The following AMPD3 variants were observed in gnomAD, a reference collection of about 807,000 sequenced individuals.
The protein encoded by AMPD3 is AMP deaminase 3.
A neutral mutation model predicts 82.3 loss-of-function variants in AMPD3; 57 were observed. The ratio of observed to expected loss-of-function variants is 0.69; its 90% CI spans 0.56 to 0.86. The LOEUF is 0.86. AMPD3 is among the 40% of genes least tolerant of loss of function. The pLI is 0.00. For synonymous variants in AMPD3, 381 were observed against 394.7 expected, an observed-to-expected ratio of 0.97 and a Z score of 0.41; for missense variants, 870 against 1,003.8, an observed-to-expected ratio of 0.87 and a Z score of 1.80.
Position 10,505,540 on chromosome 11 carries a change from G to C in AMPD3, c.2128-168G>C, listed in dbSNP as rs1222250103. 5.1e-6 allele frequency: 5 copies of C among 985,300 alleles called. No individual in the cohort carries two copies. In the African/African-American group the frequency reaches 8.7e-5, roughly 17 times the overall value. 61.0% of individuals were successfully genotyped at this position (985,300 alleles called of 1,614,324 possible). A position where few individuals can be genotyped will look rare whatever the true frequency, so the allele number is the denominator to read the frequency against. On this transcript the variant is annotated intron_variant, in intron 14 of 14. Transcript: ENST00000396553. The stretch of plus-strand genomic sequence containing the variant: ...TCAGGGTGACATCCTTGAGGACACA[G>C]AGGCCAGCAGGAATTTTAAGAGTTC...
intron 10 of AMPD3, 91 bp downstream of exon 10, chr11:10,497,029 C>T (rs563167735): frequency 3.3e-6 from 5 of 1,507,010 alleles, no homozygotes; most frequent in Non-Finnish European, 3.7e-6. Context: ...TCCTGCCCTT[C>T]ACGATGGTAT....
intron 11 of AMPD3, chr11:10,500,801 C>G (rs72859115): frequency 0.014 from 13,907 of 985,384 alleles, 133 homozygotes; most frequent in African/African-American, 0.041. Context: ...AATACGCACA[C>G]AGACGAGGCA....
In AMPD3 at chr11:10,483,540, A is replaced by G. The variant is rs540500870; in HGVS notation, c.590-1280A>G. ...AGACAGAAATGACTGTCAAATGTGT[A>G]CTTTACATGGACAGAGGACCCCTGG... On this transcript the variant is annotated intron_variant, in intron 4 of 14. Transcript: ENST00000396553. Among the ~76,000 whole-genome samples, 3 of 152,348 alleles carry G rather than the reference A, an allele frequency of 2.0e-5. No individual in the cohort carries two copies. In the South Asian group the frequency reaches 6.2e-4, roughly 32 times the overall value.
Position 10,456,778 on chromosome 11 carries a change from G to A in AMPD3, c.-6+1330G>A, listed in dbSNP as rs972050332. On this transcript the variant is annotated intron_variant, in intron 1 of 14. Coordinates refer to ENST00000396553, the MANE Select transcript of AMPD3 (RefSeq NM_001025389.2). The surrounding 1 kb of genome is among the most constrained non-coding windows in gnomAD (Gnocchi z 4.3). ...GAGTGAGCTTTCCTTGTCAGGCCTG[G>A]CCTGGCAGGTGTCTGGAGGGTCTGA... Among the ~76,000 whole-genome samples the A allele has an allele frequency of 6.6e-6, 1 of 152,146 alleles. No homozygotes were observed. The highest frequency in any genetic ancestry group is 2.4e-5 in the African/African-American group (1 of 41,436).
chr11:10,481,588 A>C lies in AMPD3; in HGVS notation c.427-475A>C, dbSNP rs946540278. The C allele has an allele frequency of 7.8e-6, 6 of 768,922 alleles. No individual in the cohort carries two copies. In the African/African-American group the frequency reaches 1.1e-4, roughly 15 times the overall value. The allele number at this position is 768,922 out of a possible 1,614,324, so 47.6% of individuals were successfully genotyped here. On this transcript the variant is annotated intron_variant, in intron 3 of 14. Coordinates refer to ENST00000396553, the MANE Select transcript of AMPD3 (RefSeq NM_001025389.2). ...CTCACAGGACTCAGCATATAGCTGT[A>C]CTTACAGCTTTGATTTATTACAGTG...
intron 1 of AMPD3, among the ~76,000 whole-genome samples, chr11:10,459,356 C>T (rs1199856409): frequency 6.6e-6 from 1 of 152,174 alleles, no homozygotes; most frequent in Non-Finnish European, 1.5e-5. Context: ...AGCAAGCCCT[C>T]CTCAGGCACC....
chr11:10,505,014 G>C (rs1849678097), intron 14 of AMPD3: 1 of 591,028 alleles, frequency 1.7e-6, no homozygotes, highest in Non-Finnish European at 2.1e-6. Flanking sequence ...GCTCTGTGAG[G>C]GCAGAGGTTT....
intron 2 of AMPD3, among the ~76,000 whole-genome samples, chr11:10,472,893 A>T (rs1848635383): frequency 6.6e-6 from 1 of 151,808 alleles, no homozygotes; most frequent in African/African-American, 2.4e-5. Flanking sequence ...AATCCCAGCA[A>T]CTCCGGAGGC....
Position 10,493,369 on chromosome 11 carries a change from G to A in AMPD3, c.960G>A (p.Ala320=), listed in dbSNP as rs75283041. The A allele has an allele frequency of 6.0e-3, 9,643 of 1,614,154 alleles. 133 individuals carry two copies. The East Asian group carries it at 0.062, about 10-fold the overall frequency. The part of the protein sequence containing the change: ...NVRKVDTHIH[A]AACMNQKHLL... ...TCCAGGTGGACACACACATCCATGC[G>A]GCCGCCTGCATGAACCAAAAGCATC... The change falls in exon 7 of 15, where the codon GCG becomes GCA. Residue 320 remains alanine (A), a synonymous_variant. Coordinates refer to ENST00000396553, the MANE Select transcript of AMPD3 (RefSeq NM_001025389.2).
chr11:10,480,230 C>T (rs548135280), intron 3 of AMPD3, among the ~76,000 whole-genome samples: 5 of 152,356 alleles, frequency 3.3e-5, no homozygotes, highest in East Asian at 1.9e-4. Context: ...TAAGCTTGGC[C>T]GGTGGCCACG....
chr11:10,451,545 C>G (rs180905716), upstream of AMPD3, among the ~76,000 whole-genome samples: 5 of 152,344 alleles, frequency 3.3e-5, no homozygotes, highest in Non-Finnish European at 4.4e-5. Flanking sequence ...TGCCCTTGAT[C>G]TTCTGGTAGC....
At position 10,482,192 on chromosome 11, in the gene AMPD3, G is replaced by A; in HGVS notation, c.556G>A (p.Ala186Thr). The A allele has an allele frequency of 1.2e-6, 2 of 1,613,244 alleles. No individual in the cohort carries two copies. The highest frequency in any genetic ancestry group is 1.7e-5 in the Admixed American group (1 of 60,026). Residue 186 changes from alanine (A) to threonine (T), a missense_variant, in exon 4 of 15, where the codon GCG becomes ACG. Transcript: ENST00000396553. ...ITSQYLGHPR[A>T]DTAPPEEGLP... is the part of the protein sequence containing the mutation. Reference sequence around the variant, plus strand: ...ATCCCAGTACCTGGGTCATCCGCGGGCGGATACTGCACCTCCGGAAGAGGG... The same window carrying A: ...ATCCCAGTACCTGGGTCATCCGCGGACGGATACTGCACCTCCGGAAGAGGG...
chr11:10,465,608 A>G (rs1223718881), intron 2 of AMPD3, among the ~76,000 whole-genome samples: 1 of 152,152 alleles, frequency 6.6e-6, no homozygotes, highest in Non-Finnish European at 1.5e-5. Flanking sequence ...GAGAAGCACA[A>G]GGGATGGGGG....
chr11:10,455,931 A>G, intron 1 of AMPD3: 1 of 985,370 alleles, frequency 1.0e-6, no homozygotes, highest in Non-Finnish European at 1.2e-6. Flanking sequence ...AGCAAAGGTG[A>G]TGATATCGCT....
chr11:10,495,286 G>A lies in AMPD3; in HGVS notation c.1266+256G>A, dbSNP rs745325040. On this transcript the variant is annotated intron_variant, in intron 8 of 14. Transcript: ENST00000396553. The stretch of plus-strand genomic sequence containing the variant: ...GCTCACAGCACCTGGCCTGGCTTTC[G>A]TGTCTCTGCAGCCTGAACCTAGCTG... 36 of 985,334 alleles carry A rather than the reference G, an allele frequency of 3.7e-5. 1 individual carries two copies. Among genetic ancestry groups the A allele is most frequent in the African/African-American group, 1.7e-4 (10 of 57,248 alleles). 61.0% of individuals were successfully genotyped at this position (985,334 alleles called of 1,614,324 possible).
intron 2 of AMPD3, among the ~76,000 whole-genome samples, chr11:10,465,884 T>TCC (rs1280158982): frequency 6.6e-6 from 1 of 151,322 alleles, no homozygotes; most frequent in Non-Finnish European, 1.5e-5. Flanking sequence ...ACAGAATCAT[T>TCC]CACTCCCCTG....
At chr11:10,475,706 G>C (rs541488196) in intron 2 of AMPD3, among the ~76,000 whole-genome samples, 1 of 152,272 alleles carries the variant, frequency 6.6e-6, no homozygotes, top group East Asian at 1.9e-4. Context: ...AGAGCTTTCT[G>C]AGTGTAGGAG....
intron 14 of AMPD3, chr11:10,505,064 A>G: frequency 1.0e-6 from 1 of 964,788 alleles, no homozygotes. Context: ...AGTCCCTGGC[A>G]CATAGCAGGC....
intron 8 of AMPD3, 41 bp from the exon 9 acceptor site, chr11:10,495,529 C>T: frequency 6.2e-7 from 1 of 1,612,044 alleles, no homozygotes; most frequent in Non-Finnish European, 8.5e-7. Flanking sequence ...TCCCATGTAG[C>T]TGGGATGCAC....
Sources: allele counts gnomAD v4.1 joint callset (sites outside exome capture counted in the v4.1 genomes callset), GRCh38; gene constraint gnomAD v4.1.1; non-coding constraint Gnocchi (gnomAD v3.1); transcripts MANE v1.5; gene names NCBI Gene and HGNC (gene_info 2026-07-23, HGNC 2026-07-21).